Variants in IL1RL2 observed in about 807,000 individuals in gnomAD.
IL1RL2 encodes the protein interleukin 1 receptor like 2, also known as interleukin-1 receptor-like 2.
A neutral mutation model predicts 66.8 loss-of-function variants in IL1RL2; 68 were observed. That is an observed-to-expected ratio of 1.02 (90% CI 0.84 to 1.25). IL1RL2 has a LOEUF of 1.25. Ranked by LOEUF, IL1RL2 falls within the 50% of genes most tolerant of loss-of-function variation. The probability of loss-of-function intolerance (pLI) is 0.00; values close to 1 mark genes in which losing one functional copy is unlikely to be tolerated. For missense variants in IL1RL2, 729 were observed against 709.3 expected, an observed-to-expected ratio of 1.03 and a Z score of -0.32; for synonymous variants, 305 against 264.6, an observed-to-expected ratio of 1.15 and a Z score of -1.48.
At chr2:102,218,257 G>T (rs1314003793) in intron 6 of IL1RL2, among the ~76,000 whole-genome samples, 1 of 152,000 alleles carries the variant, frequency 6.6e-6, no homozygotes, top group Non-Finnish European at 1.5e-5. Context: ...TATACTGTTT[G>T]GTACATGTGT....
At chr2:102,195,489 C>T (rs1687589706) in intron 4 of IL1RL2, among the ~76,000 whole-genome samples, 1 of 152,008 alleles carries the variant, frequency 6.6e-6, no homozygotes, top group African/African-American at 2.4e-5. Context: ...CAACGTAAAT[C>T]ATATTGGTCT....
chr2:102,205,504 G>A (rs944608302), intron 5 of IL1RL2, among the ~76,000 whole-genome samples: 4 of 152,114 alleles, frequency 2.6e-5, no homozygotes, highest in African/African-American at 9.7e-5. Flanking sequence ...CATGTTTGAA[G>A]GTTATTTTTG....
At chr2:102,215,273 C>G (rs1396946123) in intron 6 of IL1RL2, among the ~76,000 whole-genome samples, 1 of 152,164 alleles carries the variant, frequency 6.6e-6, no homozygotes, top group Non-Finnish European at 1.5e-5. Context: ...ATGCCACTGT[C>G]TTGGAATTAT....
intron 6 of IL1RL2, among the ~76,000 whole-genome samples, chr2:102,216,981 C>G (rs1689668181): frequency 6.6e-6 from 1 of 152,126 alleles, no homozygotes. Context: ...AAACTTATTA[C>G]TAGAGTCTTG....
intron 6 of IL1RL2, among the ~76,000 whole-genome samples, chr2:102,212,670 A>C (rs953926733): frequency 9.2e-5 from 14 of 152,200 alleles, no homozygotes; most frequent in Admixed American, 2.6e-4. Flanking sequence ...TTTTTAAATT[A>C]AAAAATAATC....
intron 3 of IL1RL2, among the ~76,000 whole-genome samples, chr2:102,189,599 T>G (rs1232736456): frequency 6.6e-6 from 1 of 152,104 alleles, no homozygotes; most frequent in Non-Finnish European, 1.5e-5. Context: ...TCCTGTTTTC[T>G]TTTTCTTTTC....
chr2:102,195,577 C>A (rs1559529733), intron 4 of IL1RL2, among the ~76,000 whole-genome samples: 1 of 15,362 alleles, frequency 6.5e-5, no homozygotes, highest in Non-Finnish European at 1.3e-4. Flanking sequence ...TTCTTTCTTT[C>A]TTTCTTTCTT....
chr2:102,223,951 G>A (rs3771186), intron 8 of IL1RL2, among the ~76,000 whole-genome samples: 24,266 of 152,080 alleles, frequency 0.16, 2,402 homozygotes, highest in Admixed American at 0.29. Context: ...GGTGCAGTGC[G>A]TCTATACTGG....
At chr2:102,204,110 C>G (rs1245819791) in intron 5 of IL1RL2, among the ~76,000 whole-genome samples, 2 of 151,988 alleles carry the variant, frequency 1.3e-5, no homozygotes, top group Non-Finnish European at 2.9e-5. Context: ...AGAAATTTTT[C>G]AGTTTCCTTC....
chr2:102,211,780 C>T (rs1689192468), intron 5 of IL1RL2, among the ~76,000 whole-genome samples: 1 of 152,148 alleles, frequency 6.6e-6, no homozygotes, highest in Admixed American at 6.5e-5. Flanking sequence ...TAGCCACTGC[C>T]TGCAAAGTGT....
chr2:102,227,150 C>T (rs1477812087), intron 9 of IL1RL2, among the ~76,000 whole-genome samples: 1 of 152,208 alleles, frequency 6.6e-6, no homozygotes, highest in Non-Finnish European at 1.5e-5. Flanking sequence ...AGTAATAAAT[C>T]TGCTCTAAAG....
Position 102,232,996 on chromosome 2 carries a change from C to G in IL1RL2, c.1169C>G (p.Pro390Arg). Residue 390 changes from proline (P) to arginine (R), a missense_variant, in exon 10 of 12, where the codon CCC becomes CGC. By Grantham distance (103) the Pro-to-Arg change is moderately radical. Coordinates refer to ENST00000264257, the MANE Select transcript of IL1RL2 (RefSeq NM_003854.4). ...CTGTATGACGCCTATGTCTTATACC[C>G]CAAGCCCCACAAGGAAAGCCAGAGG... ...GKLYDAYVLY[P>R]KPHKESQRHA... 6.2e-7 allele frequency: 1 copy of G among 1,614,098 alleles called. No individual in the cohort carries two copies.
chr2:102,205,255 C>A (rs1406473386), intron 5 of IL1RL2, among the ~76,000 whole-genome samples: 1 of 152,066 alleles, frequency 6.6e-6, no homozygotes, highest in Non-Finnish European at 1.5e-5. Flanking sequence ...TTGATTGGTT[C>A]ATCATTCAGT....
At chr2:102,187,657 G>A (rs1464094264) in intron 1 of IL1RL2, among the ~76,000 whole-genome samples, 199 bp from the exon 2 acceptor site, 1 of 152,202 alleles carries the variant, frequency 6.6e-6, no homozygotes, top group East Asian at 1.9e-4. Context: ...CCTGGATCCT[G>A]GTCGGGCGCC....
chr2:102,186,994 A>G, upstream of IL1RL2: 1 of 1,288,822 alleles, frequency 7.8e-7, no homozygotes, highest in South Asian at 1.2e-5. Context: ...TGGCGGGGAA[A>G]TACCTAGGCA....
intron 6 of IL1RL2, among the ~76,000 whole-genome samples, chr2:102,212,707 G>A (rs977981170): frequency 6.6e-6 from 1 of 152,090 alleles, no homozygotes; most frequent in African/African-American, 2.4e-5. Context: ...GGTGGCTCAC[G>A]CCTGTAATCC....
chr2:102,195,435 T>C (rs575903848), intron 4 of IL1RL2, among the ~76,000 whole-genome samples: 3 of 152,278 alleles, frequency 2.0e-5, no homozygotes, highest in South Asian at 2.1e-4. Flanking sequence ...TTTTTTTCTC[T>C]GTGGACTTAT....
intron 5 of IL1RL2, among the ~76,000 whole-genome samples, chr2:102,204,344 T>G (rs182747339): frequency 6.6e-6 from 1 of 152,298 alleles, no homozygotes; most frequent in Admixed American, 6.5e-5. Flanking sequence ...AGGAAAAGAA[T>G]ATGTATTCTA....
intron 5 of IL1RL2, among the ~76,000 whole-genome samples, chr2:102,207,346 G>A (rs1055304563): frequency 1.3e-5 from 2 of 152,182 alleles, no homozygotes; most frequent in Admixed American, 1.3e-4. Flanking sequence ...AATGTGCTCA[G>A]TCTCACCTAA....
Sources: allele counts gnomAD v4.1 joint callset (sites outside exome capture counted in the v4.1 genomes callset), GRCh38; gene constraint gnomAD v4.1.1; transcripts MANE v1.5; gene names NCBI Gene and HGNC (gene_info 2026-07-23, HGNC 2026-07-21).